KIAA0319L: variants seen among roughly 807,000 people sequenced by gnomAD.
The protein encoded by KIAA0319L is dyslexia-associated protein KIAA0319-like protein.
A neutral mutation model predicts 120.1 loss-of-function variants in KIAA0319L; 55 were observed. The ratio of observed to expected loss-of-function variants is 0.46; its 90% confidence interval spans 0.37 to 0.57. KIAA0319L has a LOEUF of 0.57. Ranked by LOEUF, KIAA0319L falls within the 20% of genes least tolerant of loss-of-function variation. The pLI is 0.00. For synonymous variants in KIAA0319L, 398 were observed against 471.9 expected (o/e 0.84, Z 2.03); for missense variants, 1,049 against 1,255.3 (o/e 0.84, Z 2.48).
intron 2 of KIAA0319L, among the ~76,000 whole-genome samples, chr1:35,534,694 C>T (rs1346625302): frequency 6.6e-6 from 1 of 151,536 alleles, no homozygotes; most frequent in Admixed American, 6.6e-5. Context: ...CCCATCTCTA[C>T]TAAAAATACA....
rs998638376 is a variant in KIAA0319L at position 35,478,898 on chromosome 1, T to C, written c.913+68A>G. The C allele has an allele frequency of 2.3e-5, 36 of 1,548,176 alleles. 1 individual carries two copies. The South Asian group carries it at 4.2e-4, about 18-fold the overall frequency. On this transcript the variant is annotated intron_variant, in intron 4 of 20. Transcript: ENST00000325722. ...AGTTATGCCTCCCTTCCTTCTTTCCTCTAAAAGGGAATACTTTGATCAAAT... is the reference window on the plus strand; with the variant it reads ...AGTTATGCCTCCCTTCCTTCTTTCCCCTAAAAGGGAATACTTTGATCAAAT...
chr1:35,509,974 C>T (rs941442986), intron 2 of KIAA0319L: 2 of 151,612 alleles, frequency 1.3e-5, no homozygotes, highest in African/African-American at 4.9e-5. Context: ...AAGATCTTAA[C>T]CCTAAAGCAA....
intron 9 of KIAA0319L, among the ~76,000 whole-genome samples, chr1:35,459,002 T>C (rs564105773): frequency 5.5e-4 from 84 of 152,354 alleles, no homozygotes; most frequent in Non-Finnish European, 1.1e-3. Context: ...TGTGCTAGGA[T>C]ACTCATTTCT....
chr1:35,464,200 T>C (rs950652471), intron 7 of KIAA0319L, among the ~76,000 whole-genome samples: 1 of 152,016 alleles, frequency 6.6e-6, no homozygotes, highest in Non-Finnish European at 1.5e-5. Context: ...TTCAAGCAGT[T>C]TGGAGGGCTC....
intron 4 of KIAA0319L, among the ~76,000 whole-genome samples, chr1:35,476,521 G>T (rs1643901573): frequency 6.6e-6 from 1 of 152,152 alleles, no homozygotes; most frequent in South Asian, 2.1e-4. Context: ...CACTTGAGGA[G>T]AAATGAAACC....
At chr1:35,524,480 A>G (rs1458777091) in intron 2 of KIAA0319L, among the ~76,000 whole-genome samples, 2 of 152,214 alleles carry the variant, frequency 1.3e-5, no homozygotes, top group African/African-American at 4.8e-5. Context: ...GCCCAAGTGA[A>G]CATGTTCAAT....
Position 35,437,192 on chromosome 1 carries a change from T to C in KIAA0319L, c.2963-2111A>G, listed in dbSNP as rs1477808808. On this transcript the variant is annotated intron_variant, in intron 20 of 20. Transcript: ENST00000325722. This position sits in a 1 kb window ranked among gnomAD's most constrained non-coding sequence, Gnocchi z 4.1. ...TCTCCCCTCTCCCTAAGATGTCCGA[T>C]GTGCTGAGCTCAGGCTCCCATCCAA... is the stretch of plus-strand genomic sequence containing the variant. 1.3e-5 allele frequency among the ~76,000 whole-genome samples: 2 copies of C among 152,168 alleles called. No homozygotes were observed. Among genetic ancestry groups the C allele is most frequent in the Non-Finnish European group, 1.5e-5 (1 of 68,028 alleles).
In KIAA0319L at chr1:35,450,402, C is replaced by G. The variant is rs1641971531; in HGVS notation, c.2170G>C (p.Val724Leu). The change falls in exon 14 of 21, where the codon GTC (valine) becomes CTC (leucine). Residue 724 changes from valine (V) to leucine (L), a missense_variant. Transcript: ENST00000325722. Reference sequence around the variant, plus strand: ...TCATCTCGAGTCCAGAGGTAGCTGACTATTCCCTTGTCATCTGAGGACTTA... The same window carrying G: ...TCATCTCGAGTCCAGAGGTAGCTGAGTATTCCCTTGTCATCTGAGGACTTA... ...GSKSSDDKGI[V>L]SYLWTRDEGS... The G allele has an allele frequency of 1.9e-6, 3 of 1,614,142 alleles. No individual in the cohort carries two copies. The highest frequency in any genetic ancestry group is 2.5e-6 in the Non-Finnish European group (3 of 1,180,010).
chr1:35,477,766 A>G (rs1276036025), intron 4 of KIAA0319L, among the ~76,000 whole-genome samples: 1 of 151,796 alleles, frequency 6.6e-6, no homozygotes, highest in Admixed American at 6.6e-5. Flanking sequence ...GCTGGTGAGG[A>G]TGTGGAGAAA....
chr1:35,495,339 C>G (rs1157453489), intron 3 of KIAA0319L, among the ~76,000 whole-genome samples: 1 of 152,156 alleles, frequency 6.6e-6, no homozygotes, highest in Non-Finnish European at 1.5e-5. Context: ...TGCCACTGCA[C>G]TCCAGCCCAG....
chr1:35,434,675 G>A lies in KIAA0319L; in HGVS notation c.*219C>T, dbSNP rs974259712. 3 of 521,868 alleles carry A rather than the reference G, an allele frequency of 5.7e-6. No homozygotes were observed. Among genetic ancestry groups the A allele is most frequent in the Admixed American group, 3.5e-5 (1 of 28,710 alleles). 32.3% of individuals were successfully genotyped at this position (521,868 alleles called of 1,614,324 possible). On this transcript the variant is annotated 3_prime_UTR_variant, in exon 21 of 21. Transcript: ENST00000325722. ...GGCCCTGAGGTGAGGATATCTGGGGGCCCACCAGACAGGTTTAAAGAGGAA... is the reference window on the plus strand; with the variant it reads ...GGCCCTGAGGTGAGGATATCTGGGGACCCACCAGACAGGTTTAAAGAGGAA...
intron 17 of KIAA0319L, among the ~76,000 whole-genome samples, chr1:35,443,840 G>A (rs897360802): frequency 2.0e-5 from 3 of 152,210 alleles, no homozygotes; most frequent in Non-Finnish European, 4.4e-5. Flanking sequence ...CACAGGTTCT[G>A]TTGATACTAC....
At chr1:35,523,014 TAAAAAAA>T (rs58518920) in intron 2 of KIAA0319L, among the ~76,000 whole-genome samples, 10 of 62,512 alleles carry the variant, frequency 1.6e-4, no homozygotes, top group East Asian at 5.3e-4. Flanking sequence ...AAACTCCACA[TAAAAAAA>T]AAAAAAAAAA....
intron 2 of KIAA0319L, among the ~76,000 whole-genome samples, chr1:35,540,644 A>G (rs1443335611): frequency 1.3e-5 from 2 of 152,260 alleles, no homozygotes; most frequent in African/African-American, 4.8e-5. Context: ...CATCTTGTGG[A>G]CAGGAACTTC....
chr1:35,469,500 T>A (rs1643479569), intron 6 of KIAA0319L, among the ~76,000 whole-genome samples: 2 of 152,106 alleles, frequency 1.3e-5, no homozygotes, highest in African/African-American at 4.8e-5. Context: ...ATCTGGCCCC[T>A]GCATCTTTCC....
At chr1:35,436,074 C>T (rs1640766888) in intron 20 of KIAA0319L, among the ~76,000 whole-genome samples, 2 of 145,938 alleles carry the variant, frequency 1.4e-5, no homozygotes, top group East Asian at 1.9e-4. Context: ...CCCTCTCCAG[C>T]ACCACAATCT....
Position 35,506,536 on chromosome 1 carries a change from A to G in KIAA0319L, c.666+76T>C. ...CCTATGAGCACTGCCCGCAAGCATCAGCTTCATTGCTCATATATACCAAAT... is the reference window on the plus strand; with the variant it reads ...CCTATGAGCACTGCCCGCAAGCATCGGCTTCATTGCTCATATATACCAAAT... On this transcript the variant is annotated intron_variant, in intron 3 of 20. Coordinates refer to ENST00000325722, the MANE Select transcript of KIAA0319L (RefSeq NM_024874.5). The surrounding 1 kb of genome is among the most constrained non-coding windows in gnomAD (Gnocchi z 4.0). 7.2e-7 allele frequency: 1 copy of G among 1,391,404 alleles called. No individual in the cohort carries two copies. The highest frequency in any genetic ancestry group is 9.9e-7 in the Non-Finnish European group (1 of 1,012,876). 86.2% of individuals were successfully genotyped at this position (1,391,404 alleles called of 1,614,324 possible).
chr1:35,499,715 A>G (rs185265345), intron 3 of KIAA0319L, among the ~76,000 whole-genome samples: 1 of 152,170 alleles, frequency 6.6e-6, no homozygotes, highest in African/African-American at 2.4e-5. Flanking sequence ...GGAAAAAAAA[A>G]TAAGGAAAGG....
chr1:35,468,392 A>G (rs759289570), intron 6 of KIAA0319L, among the ~76,000 whole-genome samples: 4 of 152,174 alleles, frequency 2.6e-5, no homozygotes, highest in Non-Finnish European at 5.9e-5. Context: ...GATTTTATCT[A>G]TTGCTGTGGC....
Sources: gnomAD v4.1 joint callset for allele counts (sites outside exome capture counted in the v4.1 genomes callset) on GRCh38, gnomAD v4.1.1 for gene constraint, Gnocchi (gnomAD v3.1) non-coding constraint, MANE v1.5 for transcripts, NCBI Gene and HGNC (gene_info 2026-07-23, HGNC 2026-07-21) for gene names.